CD53: variants seen among roughly 807,000 people sequenced by gnomAD.
The protein encoded by CD53 is leukocyte surface antigen CD53.
CD53 carries 20 observed loss-of-function variants against 27.3 expected under a neutral mutation model. That is an observed-to-expected ratio of 0.73 (90% CI 0.52 to 1.07). CD53 has a LOEUF of 1.07. Among genes scored for constraint, CD53 ranks in the 50% least tolerant of loss-of-function variants. The probability of loss-of-function intolerance (pLI) is 0.00; values close to 1 mark genes in which losing one functional copy is unlikely to be tolerated. For synonymous variants in CD53, 106 were observed against 105.3 expected, an observed-to-expected ratio of 1.01 and a Z score of -0.04; for missense variants, 216 against 264.0, an observed-to-expected ratio of 0.82 and a Z score of 1.26.
chr1:110,890,880 G>T (rs1570908085), intron 1 of CD53, among the ~76,000 whole-genome samples: 2 of 152,204 alleles, frequency 1.3e-5, no homozygotes, highest in Admixed American at 6.5e-5. Flanking sequence ...TGCAATAAAA[G>T]AATAAATGAG....
intron 1 of CD53, among the ~76,000 whole-genome samples, chr1:110,882,920 C>G (rs1656414565): frequency 6.6e-6 from 1 of 151,950 alleles, no homozygotes; most frequent in South Asian, 2.1e-4. Flanking sequence ...TTCTAGCAAC[C>G]TTGCTACACT....
intron 7 of CD53, 31 bp downstream of exon 7, chr1:110,897,923 G>GATT (rs750280460): frequency 2.2e-5 from 27 of 1,252,096 alleles, no homozygotes; most frequent in Non-Finnish European, 3.0e-5. Context: ...TTATTGTGAG[G>GATT]ATTACATGAG....
intron 1 of CD53, among the ~76,000 whole-genome samples, chr1:110,877,325 G>C (rs1050375076): frequency 6.6e-6 from 1 of 152,126 alleles, no homozygotes; most frequent in African/African-American, 2.4e-5. Flanking sequence ...ATCCCACAAA[G>C]AGTCTTGCTT....
chr1:110,898,115 C>T (rs996060028), intron 7 of CD53, among the ~76,000 whole-genome samples: 2 of 152,196 alleles, frequency 1.3e-5, no homozygotes, highest in South Asian at 2.1e-4. Flanking sequence ...TGGTGGCTCA[C>T]GCCTGTAATC....
chr1:110,894,626 G>T (rs1269072117), intron 4 of CD53, among the ~76,000 whole-genome samples: 1 of 152,188 alleles, frequency 6.6e-6, no homozygotes, highest in Non-Finnish European at 1.5e-5. Context: ...TAAAACAAGT[G>T]TCTCTTCCTC....
chr1:110,898,379 GA>G (rs11390194), intron 7 of CD53, among the ~76,000 whole-genome samples: 7,856 of 115,536 alleles, frequency 0.068, 261 homozygotes, highest in East Asian at 0.19. Context: ...TCTGTCTCCA[GA>G]AAAAAAAAAA....
intron 3 of CD53, 101 bp from the exon 4 acceptor site, chr1:110,894,226 A>C: frequency 1.1e-6 from 1 of 936,606 alleles, no homozygotes; most frequent in Admixed American, 1.9e-5. Context: ...GAACAGGAAC[A>C]CCCTGTACTC....
upstream of CD53, among the ~76,000 whole-genome samples, chr1:110,871,730 A>C (rs1655973154): frequency 6.6e-6 from 1 of 151,884 alleles, no homozygotes; most frequent in African/African-American, 2.4e-5. Flanking sequence ...AGTGAGGGTC[A>C]GTGATTCCAG....
intron 4 of CD53, 40 bp from the exon 5 acceptor site, chr1:110,894,920 C>G: frequency 6.6e-7 from 1 of 1,505,800 alleles, no homozygotes; most frequent in Non-Finnish European, 9.2e-7. Flanking sequence ...AACTCACCTG[C>G]TTTTTACCAT....
At chr1:110,891,539 C>G in intron 2 of CD53, 68 bp downstream of exon 2, 1 of 1,218,098 alleles carries the variant, frequency 8.2e-7, no homozygotes, top group Non-Finnish European at 1.2e-6. Flanking sequence ...CATTCCTCTA[C>G]TGAAGAGGCT....
At chr1:110,874,257 T>C (rs1035267521) in intron 1 of CD53, among the ~76,000 whole-genome samples, 1 of 152,352 alleles carries the variant, frequency 6.6e-6, no homozygotes, top group African/African-American at 2.4e-5. Flanking sequence ...GAGAGGGCTC[T>C]GGATTCCCAA....
upstream of CD53, among the ~76,000 whole-genome samples, chr1:110,871,961 A>T (rs1655982132): frequency 1.3e-5 from 2 of 152,094 alleles, no homozygotes; most frequent in South Asian, 2.1e-4. Flanking sequence ...CCTTCATTTA[A>T]TTCAGTTTTC....
At chr1:110,881,230 C>T (rs1656343590) in intron 1 of CD53, among the ~76,000 whole-genome samples, 1 of 152,110 alleles carries the variant, frequency 6.6e-6, no homozygotes, top group Non-Finnish European at 1.5e-5. Flanking sequence ...TCACCCTTCC[C>T]TGCTCCCTCT....
intron 1 of CD53, among the ~76,000 whole-genome samples, chr1:110,885,239 TG>T (rs1656527934): frequency 6.6e-6 from 1 of 152,224 alleles, no homozygotes; most frequent in African/African-American, 2.4e-5. Flanking sequence ...TATTTTTGTT[TG>T]AACAGTTCAG....
In CD53 at chr1:110,888,955, C is replaced by A. The variant is rs112305398; in HGVS notation, c.-17-2437C>A. ...AAATATTCTTTGATCAACCCAGCTGCAAATCTTTGCATCTTCATGGCCTTT... is the reference window on the plus strand; with the variant it reads ...AAATATTCTTTGATCAACCCAGCTGAAAATCTTTGCATCTTCATGGCCTTT... On this transcript the variant is annotated intron_variant, in intron 1 of 7. Transcript: ENST00000271324. 4.1e-4 allele frequency among the ~76,000 whole-genome samples: 63 copies of A among 152,278 alleles called. 2 individuals carry two copies. The highest frequency in any genetic ancestry group is 1.5e-3 in the African/African-American group (61 of 41,550).
At chr1:110,891,581 C>G in intron 2 of CD53, 110 bp downstream of exon 2, 1 of 801,492 alleles carries the variant, frequency 1.2e-6, no homozygotes, top group Non-Finnish European at 2.2e-6. Context: ...GTGTTTGGGT[C>G]ATGTCCAGCA....
At chr1:110,881,363 T>G (rs1193926359) in intron 1 of CD53, among the ~76,000 whole-genome samples, 1 of 152,162 alleles carries the variant, frequency 6.6e-6, no homozygotes, top group Non-Finnish European at 1.5e-5. Flanking sequence ...GAATGTACTC[T>G]TTTTTATTTA....
chr1:110,897,519 G>A (rs1657117268), intron 6 of CD53, among the ~76,000 whole-genome samples: 2 of 152,318 alleles, frequency 1.3e-5, no homozygotes, highest in African/African-American at 4.8e-5. Context: ...AAAGACAGTA[G>A]GACGTCGGTT....
chr1:110,897,328 T>C (rs1397553703), intron 6 of CD53, among the ~76,000 whole-genome samples: 5 of 152,248 alleles, frequency 3.3e-5, no homozygotes, highest in Non-Finnish European at 7.3e-5. Context: ...CTGAAGGGGT[T>C]TGGAAATCTC....
Sources: gnomAD v4.1 joint callset for allele counts (sites outside exome capture counted in the v4.1 genomes callset) on GRCh38, gnomAD v4.1.1 for gene constraint, MANE v1.5 for transcripts, NCBI Gene and HGNC (gene_info 2026-07-23, HGNC 2026-07-21) for gene names.